Variants in XYLT1 observed in about 807,000 individuals in gnomAD.
XYLT1 encodes the protein beta-D-xylosyltransferase 1.
A neutral mutation model predicts 91.3 loss-of-function variants in XYLT1; 36 were observed. The observed-to-expected ratio is 0.39, with a 90% CI of 0.30 to 0.52. XYLT1 has a LOEUF of 0.52. XYLT1 is among the 20% of genes least tolerant of loss of function. XYLT1 has a pLI of 0.68. For missense variants in XYLT1, 1,242 were observed against 1,284.5 expected (o/e 0.97, Z 0.51); for synonymous variants, 588 against 532.0 (o/e 1.11, Z -1.45).
At chr16:17,356,829 T>A (rs1170017611) in intron 2 of XYLT1, among the ~76,000 whole-genome samples, 1 of 152,054 alleles carries the variant, frequency 6.6e-6, no homozygotes, top group Admixed American at 6.5e-5. Flanking sequence ...AATCCAAAGA[T>A]AAGAAACGTC....
At chr16:17,285,691 C>G (rs1458505761) in intron 2 of XYLT1, among the ~76,000 whole-genome samples, 1 of 152,226 alleles carries the variant, frequency 6.6e-6, no homozygotes, top group African/African-American at 2.4e-5. Context: ...GCCTCTGTCT[C>G]CTTCACCAGA....
intron 3 of XYLT1, among the ~76,000 whole-genome samples, chr16:17,253,103 C>G (rs996101817): frequency 2.6e-5 from 4 of 152,158 alleles, no homozygotes; most frequent in African/African-American, 9.7e-5. Context: ...ACACAATCCC[C>G]GTATGGGGTG....
chr16:17,275,813 C>A (rs1183439825), intron 2 of XYLT1, among the ~76,000 whole-genome samples: 1 of 152,172 alleles, frequency 6.6e-6, no homozygotes, highest in Non-Finnish European at 1.5e-5. Context: ...TTGAAAAACA[C>A]CCAGTTTTCA....
chr16:17,470,675 C>G lies in XYLT1; in HGVS notation c.122G>C (p.Gly41Ala). Residue 41 changes from glycine to alanine, a missense_variant, in exon 1 of 12, where the codon GGG becomes GCG. Physicochemically the swap from Gly to Ala is moderately conservative, Grantham distance 60. Coordinates refer to ENST00000261381, the MANE Select transcript of XYLT1 (RefSeq NM_022166.4). ...VVWNFSSLDSGAGERRGGAAV... is the reference protein window; with the variant it reads ...VVWNFSSLDSAAGERRGGAAV... ...TGCGCCCCCGCGGCGCTCCCCGGCCCCGGAGTCGAGGCTGCTGAAATTCCA... is the reference window on the plus strand; with the variant it reads ...TGCGCCCCCGCGGCGCTCCCCGGCCGCGGAGTCGAGGCTGCTGAAATTCCA... 2.6e-6 allele frequency: 3 copies of G among 1,155,166 alleles called. No individual in the cohort carries two copies. Among genetic ancestry groups the G allele is most frequent in the Non-Finnish European group, 3.3e-6 (3 of 920,308 alleles). 71.6% of individuals were successfully genotyped at this position (1,155,166 alleles called of 1,614,324 possible).
intron 1 of XYLT1, among the ~76,000 whole-genome samples, chr16:17,398,824 C>CCCA (rs922893718): frequency 1.6e-5 from 1 of 64,002 alleles, no homozygotes; most frequent in African/African-American, 6.4e-5. Context: ...CCCCGCCCCC[C>CCCA]CCCACTGTTT....
intron 3 of XYLT1, among the ~76,000 whole-genome samples, chr16:17,236,346 C>G (rs1362673138): frequency 6.6e-6 from 1 of 151,186 alleles, no homozygotes; most frequent in Non-Finnish European, 1.5e-5. Flanking sequence ...CTTTACGAGT[C>G]TAAATGGCTA....
intron 1 of XYLT1, among the ~76,000 whole-genome samples, chr16:17,392,341 G>A (rs2035830174): frequency 6.6e-6 from 1 of 152,088 alleles, no homozygotes; most frequent in South Asian, 2.1e-4. Context: ...GTTTTCACAT[G>A]GCTTCCTGGT....
At chr16:17,317,237 T>G (rs1458370086) in intron 2 of XYLT1, among the ~76,000 whole-genome samples, 3 of 152,184 alleles carry the variant, frequency 2.0e-5, no homozygotes, top group Non-Finnish European at 4.4e-5. Flanking sequence ...AACTTCTCTT[T>G]GGGTCATTTA....
intron 2 of XYLT1, among the ~76,000 whole-genome samples, chr16:17,295,964 C>T (rs2034303066): frequency 6.6e-6 from 1 of 152,148 alleles, no homozygotes; most frequent in African/African-American, 2.4e-5. Flanking sequence ...ATAACACAGA[C>T]TGTAAATCTG....
chr16:17,319,711 G>T (rs1459814495), intron 2 of XYLT1, among the ~76,000 whole-genome samples: 2 of 152,154 alleles, frequency 1.3e-5, no homozygotes, highest in Non-Finnish European at 2.9e-5. Flanking sequence ...AAAGTGCTGG[G>T]ATTACAGGCG....
rs1034948998 is a variant in XYLT1 at position 17,109,845 on chromosome 16, G to A, written c.2558-828C>T. Among the ~76,000 whole-genome samples the A allele has an allele frequency of 7.9e-5, 12 of 152,312 alleles. No individual in the cohort carries two copies. In the South Asian group the frequency reaches 8.3e-4, roughly 11 times the overall value. ...GAAGTCCAGATCTCAGCTGCCGAGC[G>A]TCCACCTTGTACTCTGCGTAAGTTG... On this transcript the variant is annotated intron_variant, in intron 11 of 11. Transcript: ENST00000261381.
chr16:17,450,727 G>A (rs143041976), intron 1 of XYLT1, among the ~76,000 whole-genome samples: 6 of 152,226 alleles, frequency 3.9e-5, no homozygotes, highest in Non-Finnish European at 5.9e-5. Context: ...TTTGTCTTGC[G>A]TCGTAAACAG....
intron 1 of XYLT1, among the ~76,000 whole-genome samples, chr16:17,414,502 C>T (rs2036155274): frequency 1.3e-5 from 2 of 152,218 alleles, no homozygotes; most frequent in South Asian, 2.1e-4. Context: ...GGCTATCAGA[C>T]ATCTTTATAA....
chr16:17,117,079 G>A (rs183597517), intron 11 of XYLT1, among the ~76,000 whole-genome samples: 243 of 152,262 alleles, frequency 1.6e-3, no homozygotes, highest in Middle Eastern at 6.8e-3. Context: ...TAAAGCAGAA[G>A]CAGGCAACAT....
intron 5 of XYLT1, among the ~76,000 whole-genome samples, chr16:17,183,928 T>C (rs900263176): frequency 2.6e-5 from 4 of 152,156 alleles, no homozygotes; most frequent in Non-Finnish European, 4.4e-5. Context: ...CATCAATTTT[T>C]AAAAGGGTAG....
chr16:17,342,068 T>C (rs188029486), intron 2 of XYLT1, among the ~76,000 whole-genome samples: 38 of 152,304 alleles, frequency 2.5e-4, no homozygotes, highest in African/African-American at 8.9e-4. Flanking sequence ...CTCTGAAGAC[T>C]TCCCAGTGTG....
Position 17,259,472 on chromosome 16 carries a change from T to C in XYLT1, c.429A>G (p.Lys143=). The part of the protein sequence containing the change: ...TQDGYFSHRP[K]EKVRTDSNNE... Reference sequence around the variant, plus strand: ...TGTTGCTGTCTGTTCGCACTTTCTCTTTCGGCCGATGAGAAAAGTAGCCAT... The same window carrying C: ...TGTTGCTGTCTGTTCGCACTTTCTCCTTCGGCCGATGAGAAAAGTAGCCAT... Residue 143 remains lysine, a synonymous_variant, in exon 3 of 12, where the codon AAA becomes AAG. Coordinates refer to ENST00000261381, the MANE Select transcript of XYLT1 (RefSeq NM_022166.4). The C allele has an allele frequency of 6.2e-7, 1 of 1,609,826 alleles. No individual in the cohort carries two copies. The highest frequency in any genetic ancestry group is 1.7e-5 in the Admixed American group (1 of 59,976).
intron 1 of XYLT1, among the ~76,000 whole-genome samples, chr16:17,359,904 C>T (rs1411912235): frequency 6.6e-6 from 1 of 152,132 alleles, no homozygotes; most frequent in Non-Finnish European, 1.5e-5. Context: ...CTTCCTGTTT[C>T]CCTGTGTTGG....
chr16:17,398,239 C>G (rs566756402), intron 1 of XYLT1, among the ~76,000 whole-genome samples: 1 of 152,272 alleles, frequency 6.6e-6, no homozygotes, highest in South Asian at 2.1e-4. Flanking sequence ...GTGGGCAAAT[C>G]TACTGAATCC....
Sources: gnomAD v4.1 joint callset for allele counts (sites outside exome capture counted in the v4.1 genomes callset) on GRCh38, gnomAD v4.1.1 for gene constraint, MANE v1.5 for transcripts, NCBI Gene and HGNC (gene_info 2026-07-23, HGNC 2026-07-21) for gene names.